The following FXR1 variants were observed in gnomAD, a reference collection of about 807,000 sequenced individuals.
FXR1 encodes the protein FMR1 autosomal homolog 1, also known as RNA-binding protein FXR1.
FXR1 carries 15 observed loss-of-function variants against 84.0 expected under a neutral mutation model. The observed-to-expected ratio is 0.18, with a 90% confidence interval of 0.12 to 0.27. The LOEUF (loss-of-function observed/expected upper bound fraction) is 0.27. Ranked by LOEUF, FXR1 falls within the 10% of genes least tolerant of loss-of-function variation. The probability of loss-of-function intolerance (pLI) is 1.00; values close to 1 mark genes in which losing one functional copy is unlikely to be tolerated. For missense variants in FXR1, 480 were observed against 774.4 expected, an observed-to-expected ratio of 0.62 and a Z score of 4.51; for synonymous variants, 245 against 250.7, an observed-to-expected ratio of 0.98 and a Z score of 0.21.
Position 180,978,935 on chromosome 3 carries a change from T to C in FXR1, c.*2643T>C, listed in dbSNP as rs1714466666. ...GCTACAACTTGTGCAAAATGGTGTC[T>C]CTGGTAACACTTCAGAAATAATTGG... On this transcript the variant is annotated 3_prime_UTR_variant, in exon 17 of 17. Transcript: ENST00000357559. 1 of 152,068 alleles carries C rather than the reference T, an allele frequency of 6.6e-6. No homozygotes were observed. The highest frequency in any genetic ancestry group is 2.1e-4 in the South Asian group (1 of 4,834). The allele number at this position is 152,068 out of a possible 1,614,324, so 9.4% of individuals were successfully genotyped here.
chr3:180,914,311 T>C (rs1445284858), intron 1 of FXR1, among the ~76,000 whole-genome samples: 1 of 152,178 alleles, frequency 6.6e-6, no homozygotes, highest in Non-Finnish European at 1.5e-5. Context: ...GCGAAAAGAA[T>C]AGACTTATCT....
intron 7 of FXR1, among the ~76,000 whole-genome samples, chr3:180,951,063 A>C (rs1722187463): frequency 6.7e-6 from 1 of 149,214 alleles, no homozygotes; most frequent in Admixed American, 6.7e-5. Context: ...AAATAAATTA[A>C]AAAAAAAAAA....
At chr3:180,949,384 T>G in intron 7 of FXR1, 41 bp downstream of exon 7, 1 of 952,946 alleles carries the variant, frequency 1.0e-6, no homozygotes, top group East Asian at 2.4e-5. Flanking sequence ...TGTGTCCCAT[T>G]TAGTTTTTGT....
intron 1 of FXR1, among the ~76,000 whole-genome samples, 188 bp downstream of exon 1, chr3:180,912,924 A>G (rs1468635110): frequency 2.0e-5 from 3 of 152,012 alleles, no homozygotes; most frequent in Admixed American, 1.3e-4. Context: ...GGGCTCCGTT[A>G]TGTTTTGAAA....
At chr3:180,946,523 T>C (rs1219683420) in intron 3 of FXR1, among the ~76,000 whole-genome samples, 1 of 152,236 alleles carries the variant, frequency 6.6e-6, no homozygotes. Context: ...TCATGAGATA[T>C]TGATCCCTTT....
At chr3:180,928,351 G>T (rs1719474913) in intron 1 of FXR1, among the ~76,000 whole-genome samples, 1 of 150,852 alleles carries the variant, frequency 6.6e-6, no homozygotes, top group African/African-American at 2.4e-5. Context: ...GAGTGTTATT[G>T]TTCCCTCCCA....
chr3:180,961,439 A>G (rs1712104211), intron 10 of FXR1, 29 bp from the exon 11 acceptor site: 1 of 1,155,420 alleles, frequency 8.7e-7, no homozygotes, highest in Admixed American at 1.8e-5. Flanking sequence ...AATATTAAAC[A>G]CTGAATACTT....
chr3:180,949,459 T>C, intron 7 of FXR1, 116 bp downstream of exon 7: 1 of 704,090 alleles, frequency 1.4e-6, no homozygotes, highest in Non-Finnish European at 2.6e-6. Flanking sequence ...CAATCTTGGC[T>C]TACTGCAACC....
At chr3:180,915,341 C>T in intron 1 of FXR1, 1 of 570,946 alleles carries the variant, frequency 1.8e-6, no homozygotes, top group South Asian at 2.4e-5. Flanking sequence ...CCTTTTCAGT[C>T]AACCATTCCT....
At chr3:180,921,040 G>C (rs1304887304) in intron 1 of FXR1, among the ~76,000 whole-genome samples, 2 of 152,024 alleles carry the variant, frequency 1.3e-5, no homozygotes, top group Non-Finnish European at 2.9e-5. Flanking sequence ...AATGCTGAAT[G>C]CTTGCCTTGA....
In FXR1 at chr3:180,980,191, G is replaced by C. The variant is rs1392897255; in HGVS notation, c.*3899G>C. 1 of 152,028 alleles carries C rather than the reference G, an allele frequency of 6.6e-6. No individual in the cohort carries two copies. Among genetic ancestry groups the C allele is most frequent in the Non-Finnish European group, 1.5e-5 (1 of 67,948 alleles). The allele number at this position is 152,028 out of a possible 1,614,324, so 9.4% of individuals were successfully genotyped here. A position where few individuals can be genotyped will look rare whatever the true frequency, so the allele number is the denominator to read the frequency against. On this transcript the variant is annotated 3_prime_UTR_variant, in exon 17 of 17. Coordinates refer to ENST00000357559, the MANE Select transcript of FXR1 (RefSeq NM_005087.4). ...ACCAAATGCCCAAGTATTCTCATAA[G>C]GAGTATGCTGAATTTAAGTGGTGTT...
chr3:180,968,405 G>A, intron 14 of FXR1, 151 bp downstream of exon 14: 2 of 612,210 alleles, frequency 3.3e-6, no homozygotes, highest in Non-Finnish European at 5.8e-6. Flanking sequence ...GCAGTATCAG[G>A]AAAAGCCCTC....
intron 1 of FXR1, among the ~76,000 whole-genome samples, chr3:180,929,579 C>T (rs1349930133): frequency 6.6e-6 from 1 of 152,140 alleles, no homozygotes; most frequent in Non-Finnish European, 1.5e-5. Flanking sequence ...CAGTCGAAAT[C>T]CCCAAAGATT....
intron 15 of FXR1, among the ~76,000 whole-genome samples, chr3:180,972,904 C>T (rs1018816242): frequency 2.0e-5 from 3 of 152,156 alleles, no homozygotes; most frequent in African/African-American, 7.2e-5. Context: ...GAGGCAGCCT[C>T]CCTCTAAAGC....
rs188550393 is a variant in FXR1, at chr3:180,976,804, A to C, written c.*512A>C. 8.5e-5 allele frequency: 13 copies of C among 152,720 alleles called. No individual in the cohort carries two copies. The allele number at this position is 152,720 out of a possible 1,614,324, so 9.5% of individuals were successfully genotyped here. On this transcript the variant is annotated 3_prime_UTR_variant, in exon 17 of 17. Coordinates refer to ENST00000357559, the MANE Select transcript of FXR1 (RefSeq NM_005087.4). ...TTTTAAATGCTGTATGTAGAGGAAA[A>C]TCTGCAGACCACTGGAATACATTTG...
intron 1 of FXR1, among the ~76,000 whole-genome samples, chr3:180,924,670 T>TG (rs1718961225): frequency 6.6e-6 from 1 of 152,032 alleles, no homozygotes; most frequent in East Asian, 2.0e-4. Context: ...TTTTGTATTT[T>TG]TAGTAGAGAC....
At chr3:180,915,010 T>G (rs1252336081) in intron 1 of FXR1, 8 of 786,110 alleles carry the variant, frequency 1.0e-5, no homozygotes, top group Non-Finnish European at 1.2e-5. Context: ...GTACTTCACC[T>G]TACCATTATC....
chr3:180,975,784 G>C (rs1714164857), intron 16 of FXR1, among the ~76,000 whole-genome samples: 1 of 152,096 alleles, frequency 6.6e-6, no homozygotes, highest in African/African-American at 2.4e-5. Context: ...CTCAAAATAA[G>C]GTGAGTAAAG....
In FXR1 at chr3:180,963,002, T is replaced by C. The variant is rs771695755; in HGVS notation, c.1136-26T>C. The C allele has an allele frequency of 2.5e-6, 4 of 1,607,488 alleles. No homozygotes were observed. In the African/African-American group the frequency reaches 4.0e-5, roughly 16 times the overall value. ...AAAAAGAGAAAGGATATGCCACTGA[T>C]GAAAGTACCGTCTCTTCTGTACAAG... On this transcript the variant is annotated intron_variant, in intron 12 of 16. Coordinates refer to ENST00000357559, the MANE Select transcript of FXR1 (RefSeq NM_005087.4).
Sources: gnomAD v4.1 joint callset for allele counts (sites outside exome capture counted in the v4.1 genomes callset) on GRCh38, gnomAD v4.1.1 for gene constraint, MANE v1.5 for transcripts, NCBI Gene and HGNC (gene_info 2026-07-23, HGNC 2026-07-21) for gene names.